Variants in SHCBP1 observed in about 807,000 individuals in gnomAD.
The protein encoded by SHCBP1 is SHC binding and spindle associated 1.
Under a neutral mutation model 75.1 loss-of-function variants are expected in SHCBP1, and 60 were observed. The observed-to-expected ratio is 0.80, with a 90% confidence interval of 0.65 to 0.99. SHCBP1 has a LOEUF of 0.99. Ranked by LOEUF, SHCBP1 falls within the 50% of genes least tolerant of loss-of-function variation. The pLI is 0.00. For synonymous variants in SHCBP1, 290 were observed against 293.2 expected, an observed-to-expected ratio of 0.99 and a Z score of 0.11; for missense variants, 709 against 809.4, an observed-to-expected ratio of 0.88 and a Z score of 1.50.
intron 10 of SHCBP1, among the ~76,000 whole-genome samples, chr16:46,591,509 A>G (rs939743196): frequency 2.0e-5 from 3 of 152,122 alleles, no homozygotes; most frequent in African/African-American, 7.2e-5. Context: ...ACTGCAAAAT[A>G]TGTGAAGCAA....
At chr16:46,610,705 C>T (rs543568049) in intron 4 of SHCBP1, among the ~76,000 whole-genome samples, 28 of 151,176 alleles carry the variant, frequency 1.9e-4, no homozygotes, top group Middle Eastern at 6.8e-3. Context: ...ATTACAGGCA[C>T]GCGCTACCAC....
chr16:46,615,741 A>C (rs562999302), intron 4 of SHCBP1, among the ~76,000 whole-genome samples: 1 of 152,336 alleles, frequency 6.6e-6, no homozygotes, highest in African/African-American at 2.4e-5. Context: ...CTATGTCTCA[A>C]AATTAAAAAA....
chr16:46,592,974 A>AAAAAAAAAAAAAAAAC (rs1221292733), intron 10 of SHCBP1, among the ~76,000 whole-genome samples: 1 of 148,008 alleles, frequency 6.8e-6, no homozygotes, highest in Non-Finnish European at 1.5e-5. Context: ...AAAAAAAAAA[A>AAAAAAAAAAAAAAAAC]AAGCAGAAAT....
At chr16:46,614,871 C>T (rs1449799814) in intron 4 of SHCBP1, among the ~76,000 whole-genome samples, 1 of 152,154 alleles carries the variant, frequency 6.6e-6, no homozygotes, top group Admixed American at 6.5e-5. Context: ...CTTTTGTTAA[C>T]ATTTGTGAAA....
rs1469466317 is a variant in SHCBP1, at chr16:46,578,994, A to C, written c.*2735T>G. Among the ~76,000 whole-genome samples, 1 of 152,220 alleles carries C rather than the reference A, an allele frequency of 6.6e-6. No individual in the cohort carries two copies. Among genetic ancestry groups the C allele is most frequent in the Non-Finnish European group, 1.5e-5 (1 of 68,026 alleles). On this transcript the variant is annotated 3_prime_UTR_variant, in exon 13 of 13. Transcript: ENST00000303383. ...CTCCAGAAAAGTGAAGTGTATATAC[A>C]CTTGAGATCAAATGATCTCTGGGCA...
chr16:46,591,686 A>G (rs1473876058), intron 10 of SHCBP1, among the ~76,000 whole-genome samples: 1 of 152,160 alleles, frequency 6.6e-6, no homozygotes, highest in Non-Finnish European at 1.5e-5. Context: ...ATACCACCCA[A>G]TGACAGCGGA....
chr16:46,621,068 G>T (rs1965581156), intron 1 of SHCBP1, among the ~76,000 whole-genome samples, 189 bp downstream of exon 1: 1 of 152,220 alleles, frequency 6.6e-6, no homozygotes, highest in Non-Finnish European at 1.5e-5. Flanking sequence ...AGGGAAGAGA[G>T]GGAGTCCCCC....
chr16:46,589,100 G>A (rs888205422), intron 10 of SHCBP1, among the ~76,000 whole-genome samples: 1 of 152,112 alleles, frequency 6.6e-6, no homozygotes, highest in African/African-American at 2.4e-5. Flanking sequence ...ATGCAGAAAA[G>A]GCCTTCAACA....
chr16:46,620,748 A>T (rs1215436650), intron 1 of SHCBP1: 2 of 152,984 alleles, frequency 1.3e-5, no homozygotes, highest in Non-Finnish European at 2.9e-5. Flanking sequence ...AGGGCAGAGA[A>T]CTAGAAGACC....
At chr16:46,603,498 T>C in intron 8 of SHCBP1, 41 bp downstream of exon 8, 2 of 1,612,790 alleles carry the variant, frequency 1.2e-6, no homozygotes. Flanking sequence ...TACTTAAACA[T>C]ATCACGTGTG....
At chr16:46,586,240 T>C (rs1210442701) in intron 10 of SHCBP1, among the ~76,000 whole-genome samples, 1 of 151,816 alleles carries the variant, frequency 6.6e-6, no homozygotes, top group African/African-American at 2.4e-5. Flanking sequence ...ATAAAACCAA[T>C]GAAAAATGAA....
intron 4 of SHCBP1, among the ~76,000 whole-genome samples, chr16:46,614,893 G>T (rs1456900095): frequency 2.6e-5 from 4 of 152,158 alleles, no homozygotes; most frequent in Non-Finnish European, 4.4e-5. Context: ...CCAAGTAAAA[G>T]ATAAACAGGA....
intron 10 of SHCBP1, among the ~76,000 whole-genome samples, chr16:46,586,441 A>T (rs1247156587): frequency 1.3e-5 from 2 of 152,218 alleles, no homozygotes; most frequent in African/African-American, 4.8e-5. Flanking sequence ...GAAAAAGAAA[A>T]GTAAACAGAG....
chr16:46,597,483 T>C (rs1331257088), intron 9 of SHCBP1, among the ~76,000 whole-genome samples: 2 of 152,248 alleles, frequency 1.3e-5, no homozygotes, highest in African/African-American at 4.8e-5. Flanking sequence ...TTATAATGCA[T>C]CTATTAAGTG....
chr16:46,587,278 CTAAAAAAGT>C (rs1466982305), intron 10 of SHCBP1, among the ~76,000 whole-genome samples: 2 of 151,936 alleles, frequency 1.3e-5, no homozygotes, highest in East Asian at 3.9e-4. Flanking sequence ...AGGGCGACCA[CTAAAAAAGT>C]TATATGAAGA....
chr16:46,609,637 A>G (rs914236931), intron 4 of SHCBP1, among the ~76,000 whole-genome samples: 4 of 151,420 alleles, frequency 2.6e-5, no homozygotes, highest in African/African-American at 9.7e-5. Flanking sequence ...CTTTTAGTAG[A>G]GAGGCATTTT....
chr16:46,589,356 T>C (rs1310897745), intron 10 of SHCBP1, among the ~76,000 whole-genome samples: 1 of 152,164 alleles, frequency 6.6e-6, no homozygotes, highest in Non-Finnish European at 1.5e-5. Flanking sequence ...ATAAAGGGTA[T>C]TGAATTAGGA....
intron 10 of SHCBP1, among the ~76,000 whole-genome samples, chr16:46,586,528 C>A (rs1023859826): frequency 6.6e-6 from 1 of 152,028 alleles, no homozygotes; most frequent in East Asian, 1.9e-4. Flanking sequence ...GAGGGTGAGG[C>A]TAAAAACATA....
At chr16:46,618,705 G>A (rs769208572) in intron 1 of SHCBP1, among the ~76,000 whole-genome samples, 4 of 152,104 alleles carry the variant, frequency 2.6e-5, no homozygotes, top group African/African-American at 7.2e-5. Context: ...GCAGTGGTGC[G>A]ATCATAGCTC....
Sources: allele counts gnomAD v4.1 joint callset (sites outside exome capture counted in the v4.1 genomes callset), GRCh38; gene constraint gnomAD v4.1.1; transcripts MANE v1.5; gene names NCBI Gene and HGNC (gene_info 2026-07-23, HGNC 2026-07-21).